The following VAV1 variants were observed in gnomAD, a reference collection of about 807,000 sequenced individuals.
The protein encoded by VAV1 is proto-oncogene vav.
Under a neutral mutation model 128.1 loss-of-function variants are expected in VAV1, and 33 were observed. The ratio of observed to expected loss-of-function variants is 0.26; its 90% CI spans 0.20 to 0.34. VAV1 has a LOEUF of 0.34. Among genes scored for constraint, VAV1 ranks in the 10% least tolerant of loss-of-function variants. The pLI is 1.00. For missense variants in VAV1, 715 were observed against 1,093.7 expected (o/e 0.65, Z 4.88); for synonymous variants, 394 against 409.8 (o/e 0.96, Z 0.47).
Position 6,828,965 on chromosome 19 carries a change from T to C in VAV1, c.1265+65T>C, listed in dbSNP as rs1479497797. 3 of 1,569,084 alleles carry C rather than the reference T, an allele frequency of 1.9e-6. No individual in the cohort carries two copies. Among genetic ancestry groups the C allele is most frequent in the Non-Finnish European group, 2.6e-6 (3 of 1,151,466 alleles). On this transcript the variant is annotated intron_variant, in intron 13 of 26. Transcript: ENST00000602142. This position sits in a 1 kb window ranked among gnomAD's most constrained non-coding sequence, Gnocchi z 4.5. Reference sequence around the variant, plus strand: ...AAAGGGGTGGGACCAGGCTCCTAGATGGGCAGGTGGGTGGAGTCAACACAG... The same window carrying C: ...AAAGGGGTGGGACCAGGCTCCTAGACGGGCAGGTGGGTGGAGTCAACACAG...
At chr19:6,823,641 T>C (rs1250193396) in intron 6 of VAV1, among the ~76,000 whole-genome samples, 2 of 151,922 alleles carry the variant, frequency 1.3e-5, no homozygotes, top group African/African-American at 2.4e-5. Context: ...TGTCTCTCTC[T>C]TTATCTCTCA....
rs547709144 is a variant in VAV1, at chr19:6,826,334, G to A, written c.828-278G>A. ...GCCTGGGAGACAAGCGTGAAACCCC[G>A]TCTCAAAAATAAATAAATTAATTAA... On this transcript the variant is annotated intron_variant, in intron 8 of 26. Transcript: ENST00000602142. This position sits in a 1 kb window ranked among gnomAD's most constrained non-coding sequence, Gnocchi z 4.1. 6.6e-5 allele frequency among the ~76,000 whole-genome samples: 10 copies of A among 152,142 alleles called. No individual in the cohort carries two copies. The highest frequency in any genetic ancestry group is 2.1e-4 in the South Asian group (1 of 4,822).
At chr19:6,825,213 G>T in intron 7 of VAV1, 90 bp from the exon 8 acceptor site, 1 of 1,576,350 alleles carries the variant, frequency 6.3e-7, no homozygotes, top group South Asian at 1.1e-5. Context: ...GTTGGGAGTT[G>T]AGCGGCATGG....
intron 21 of VAV1, among the ~76,000 whole-genome samples, chr19:6,838,125 A>ATCTG (rs1972268949): frequency 6.6e-6 from 1 of 151,038 alleles, no homozygotes; most frequent in Non-Finnish European, 1.5e-5. Context: ...CTATCTATCT[A>ATCTG]TCTATCTATC....
chr19:6,816,083 A>G (rs533773266), intron 1 of VAV1, among the ~76,000 whole-genome samples: 9 of 147,022 alleles, frequency 6.1e-5, no homozygotes, highest in Admixed American at 5.5e-4. Context: ...GCAGTGGCGC[A>G]ATCTCGGCTC....
At chr19:6,811,563 G>A (rs999101656) in intron 1 of VAV1, among the ~76,000 whole-genome samples, 2 of 152,130 alleles carry the variant, frequency 1.3e-5, no homozygotes, top group Non-Finnish European at 2.9e-5. Flanking sequence ...AGGTTTCCTG[G>A]AAGAAGAGAT....
chr19:6,780,903 A>G (rs189691366), intron 1 of VAV1, among the ~76,000 whole-genome samples: 24 of 148,646 alleles, frequency 1.6e-4, no homozygotes, highest in Non-Finnish European at 3.0e-4. Flanking sequence ...CATATTTTAT[A>G]CAAAGATTTC....
At chr19:6,815,341 C>T (rs927596120) in intron 1 of VAV1, among the ~76,000 whole-genome samples, 66 of 152,094 alleles carry the variant, frequency 4.3e-4, no homozygotes, top group African/African-American at 1.5e-3. Flanking sequence ...AGTGTCTCTC[C>T]GTGTTGCTCA....
chr19:6,821,065 A>C (rs1292999810), intron 2 of VAV1, among the ~76,000 whole-genome samples: 1 of 152,196 alleles, frequency 6.6e-6, no homozygotes, highest in Non-Finnish European at 1.5e-5. Context: ...AAATATGGGA[A>C]TATTATCATC....
In VAV1 at chr19:6,833,385, G is replaced by T. The variant is rs1293096411; in HGVS notation, c.1610+100G>T. ...TTGGTTCCCTAAATTGGGAGATGGGGGAGTCCCTACTTTGATCTTCTGCTT... is the reference window on the plus strand; with the variant it reads ...TTGGTTCCCTAAATTGGGAGATGGGTGAGTCCCTACTTTGATCTTCTGCTT... On this transcript the variant is annotated intron_variant, in intron 16 of 26. Transcript: ENST00000602142. The T allele has an allele frequency of 5.0e-6, 7 of 1,392,436 alleles. No homozygotes were observed. The East Asian group carries it at 1.4e-4, about 27-fold the overall frequency. 86.3% of individuals were successfully genotyped at this position (1,392,436 alleles called of 1,614,324 possible).
intron 26 of VAV1, among the ~76,000 whole-genome samples, chr19:6,855,802 CATCT>C (rs58591070): frequency 0.28 from 42,089 of 149,304 alleles, 6,060 homozygotes; most frequent in East Asian, 0.31. Flanking sequence ...TCCACCCATT[CATCT>C]ATCTATCTAT....
intron 26 of VAV1, among the ~76,000 whole-genome samples, chr19:6,856,189 C>T (rs1029235326): frequency 2.0e-5 from 3 of 151,978 alleles, no homozygotes; most frequent in Non-Finnish European, 2.9e-5. Context: ...CCCAGGTACT[C>T]GTTAAGCTGA....
rs541114512 is a variant in VAV1, at chr19:6,828,040, C to T, written c.928-36C>T. 2.2e-5 allele frequency: 35 copies of T among 1,596,976 alleles called. No individual in the cohort carries two copies. The East Asian group carries it at 7.8e-4, about 36-fold the overall frequency. On this transcript the variant is annotated intron_variant, in intron 9 of 26. Transcript: ENST00000602142. This position sits in a 1 kb window ranked among gnomAD's most constrained non-coding sequence, Gnocchi z 4.5. ...CCCTGCAACTGGCTGTTTCTGGGAC[C>T]TGCCTCAGTTTCCCCATTGTTCTCT...
At chr19:6,790,468 C>A (rs1205030266) in intron 1 of VAV1, among the ~76,000 whole-genome samples, 1 of 152,190 alleles carries the variant, frequency 6.6e-6, no homozygotes, top group Non-Finnish European at 1.5e-5. Flanking sequence ...AAGGTGTCTG[C>A]AGAGCTGTGC....
At position 6,825,322 on chromosome 19, in the gene VAV1, C is replaced by T. The variant is rs1476715930; in HGVS notation, c.743C>T (p.Thr248Ile). Residue 248 changes from threonine (T) to isoleucine (I), a missense_variant, in exon 8 of 27, where the codon ACT becomes ATT. By Grantham distance (89) the Thr-to-Ile change is moderately conservative. Around this residue, in one of 3 missense-constraint regions of VAV1, gnomAD observed 302 missense variants for 477.8 expected, o/e 0.63. Transcript: ENST00000602142. ...INIEDLLRVH[T>I]HFLKEMKEAL... ...GAGTAGGACCTGCTTCGTGTTCATA[C>T]TCACTTCCTAAAGGAGATGAAGGAA... 1 of 1,613,060 alleles carries T rather than the reference C, an allele frequency of 6.2e-7. No homozygotes were observed. Among genetic ancestry groups the T allele is most frequent in the Admixed American group, 1.7e-5 (1 of 60,004 alleles).
At chr19:6,787,454 G>C (rs1032416606) in intron 1 of VAV1, among the ~76,000 whole-genome samples, 1 of 152,134 alleles carries the variant, frequency 6.6e-6, no homozygotes, top group Non-Finnish European at 1.5e-5. Flanking sequence ...TGGGATTGCA[G>C]GCGTGAGTCA....
At chr19:6,773,282 GCC>G (rs1301905624) in intron 1 of VAV1, among the ~76,000 whole-genome samples, 1 of 152,064 alleles carries the variant, frequency 6.6e-6, no homozygotes, top group Non-Finnish European at 1.5e-5. Context: ...ACTCTCTCAA[GCC>G]CCAGGCGCCT....
chr19:6,825,286 C>T lies in VAV1; in HGVS notation c.724-17C>T. 1 of 1,607,666 alleles carries T rather than the reference C, an allele frequency of 6.2e-7. No homozygotes were observed. Among genetic ancestry groups the T allele is most frequent in the Non-Finnish European group, 8.5e-7 (1 of 1,175,934 alleles). Reference sequence around the variant, plus strand: ...CCCTGGGCTCTGGTCCCAGCCCTCACCCTTCCCTCCGAGTAGGACCTGCTT... The same window carrying T: ...CCCTGGGCTCTGGTCCCAGCCCTCATCCTTCCCTCCGAGTAGGACCTGCTT... On this transcript the variant is annotated splice_polypyrimidine_tract_variant and intron_variant, in intron 7 of 26. Transcript: ENST00000602142.
At position 6,781,609 on chromosome 19, in the gene VAV1, A is replaced by AT. The variant is rs5826948; in HGVS notation, c.204+8614dup. On this transcript the variant is annotated intron_variant, in intron 1 of 26. Transcript: ENST00000602142. ...GAACTACTGACCTTTTCTCTTACTG[A>AT]TTTTTTTTTTTTTTTTGAGGCTGAG... 5.4e-3 allele frequency among the ~76,000 whole-genome samples: 758 copies of AT among 141,640 alleles called. 3 individuals carry two copies. The highest frequency in any genetic ancestry group is 8.7e-3 in the African/African-American group (335 of 38,666). The allele number at this position is 141,640 out of a possible 152,430, so 92.9% of individuals were successfully genotyped here.
Sources: gnomAD v4.1 joint callset for allele counts (sites outside exome capture counted in the v4.1 genomes callset) on GRCh38, gnomAD v4.1.1 for gene constraint, gnomAD v4.1.1 regional missense constraint, Gnocchi (gnomAD v3.1) non-coding constraint, MANE v1.5 for transcripts, NCBI Gene and HGNC (gene_info 2026-07-23, HGNC 2026-07-21) for gene names.